Variants in CLCN5 observed in about 807,000 individuals in gnomAD.
CLCN5 encodes H(+)/Cl(-) exchange transporter 5.
A neutral mutation model predicts 54.0 loss-of-function variants in CLCN5; 17 were observed. The ratio of observed to expected loss-of-function variants is 0.31; its 90% CI spans 0.22 to 0.47. The LOEUF (loss-of-function observed/expected upper bound fraction) is 0.47, where lower values mean the gene tolerates loss of function less well. Among genes scored for constraint, CLCN5 ranks in the 20% least tolerant of loss-of-function variants. The pLI, the probability that CLCN5 is intolerant of heterozygous loss-of-function variation, is 1.00. For synonymous variants in CLCN5, 222 were observed against 233.0 expected, an observed-to-expected ratio of 0.95 and a Z score of 0.43; for missense variants, 448 against 646.7, an observed-to-expected ratio of 0.69 and a Z score of 3.33.
intron 3 of CLCN5, among the ~76,000 whole-genome samples, chrX:50,036,313 C>T (rs782296391): frequency 7.1e-5 from 8 of 112,312 alleles, no homozygotes; most frequent in Admixed American, 2.8e-4. Flanking sequence ...GCTTGATTTA[C>T]TTGCTTCTTC....
chrX:49,997,168 A>G (rs950749032), intron 3 of CLCN5, among the ~76,000 whole-genome samples: 1 of 111,967 alleles, frequency 8.9e-6, no homozygotes, highest in Admixed American at 9.5e-5. Flanking sequence ...AGAACTTTTC[A>G]TAGGACTCTT....
At chrX:49,939,877 A>T (rs1487747345) in intron 3 of CLCN5, among the ~76,000 whole-genome samples, 1 of 111,496 alleles carries the variant, frequency 9.0e-6, no homozygotes, top group Non-Finnish European at 1.9e-5. Flanking sequence ...CAAAGTTAGC[A>T]TCTTATATAC....
Position 50,092,802 on chromosome X carries a change from GTTAATT to G in CLCN5, c.*591_*596del, listed in dbSNP as rs1384449189. ...TAGTTTGTTATGTGTGTATGTTTAT[GTTAATT>G]TTAATTTCTGATTATAAGACAATGC... On this transcript the variant is annotated 3_prime_UTR_variant, in exon 15 of 15. Coordinates refer to ENST00000376091, the MANE Select transcript of CLCN5 (RefSeq NM_001127898.4). 3 of 114,212 alleles carry G rather than the reference GTTAATT, an allele frequency of 2.6e-5. No individual in the cohort carries two copies. Among genetic ancestry groups the G allele is most frequent in the Non-Finnish European group, 3.7e-5 (2 of 54,230 alleles). The allele number at this position is 114,212 out of a possible 1,213,427, so 9.4% of individuals were successfully genotyped here.
intron 3 of CLCN5, among the ~76,000 whole-genome samples, chrX:50,037,104 G>T (rs1932033065): frequency 8.9e-6 from 1 of 112,119 alleles, no homozygotes; most frequent in South Asian, 3.7e-4. Context: ...TTGTGTTTAG[G>T]TTAATATTAT....
intron 7 of CLCN5, among the ~76,000 whole-genome samples, chrX:50,079,190 C>G (rs1310338182): frequency 1.8e-5 from 2 of 111,400 alleles, no homozygotes; most frequent in African/African-American, 3.3e-5. Context: ...TCTTCATTTC[C>G]TACCTCTGCA....
At chrX:49,952,797 A>C (rs972834466) in intron 3 of CLCN5, among the ~76,000 whole-genome samples, 4 of 112,313 alleles carry the variant, frequency 3.6e-5, no homozygotes, top group Non-Finnish European at 7.5e-5. Flanking sequence ...AACATAAATA[A>C]GAAACAACAA....
intron 3 of CLCN5, among the ~76,000 whole-genome samples, chrX:49,977,650 A>G (rs1302067683): frequency 8.9e-6 from 1 of 111,829 alleles, no homozygotes; most frequent in Non-Finnish European, 1.9e-5. Context: ...TATGAGGACC[A>G]TAAGGGGACT....
chrX:50,062,831 A>C (rs1247026249), intron 4 of CLCN5, among the ~76,000 whole-genome samples: 2 of 104,334 alleles, frequency 1.9e-5, no homozygotes, highest in Non-Finnish European at 3.8e-5. Flanking sequence ...GTGCAATCAA[A>C]CTAGAACTCA....
Position 50,029,225 on chromosome X carries a change from A to G in CLCN5, c.17-13091A>G, listed in dbSNP as rs192408894. 2.0e-3 allele frequency among the ~76,000 whole-genome samples: 226 copies of G among 111,042 alleles called. 1 individual carries two copies. Among genetic ancestry groups the G allele is most frequent in the Non-Finnish European group, 8.3e-4 (44 of 52,958 alleles). ...GTGCAGGTTTGTTACATATGTATACATGTGTCATGTTGGTGTGCTGCACCC... is the reference window on the plus strand; with the variant it reads ...GTGCAGGTTTGTTACATATGTATACGTGTGTCATGTTGGTGTGCTGCACCC... On this transcript the variant is annotated intron_variant, in intron 3 of 14. Coordinates refer to ENST00000376091, the MANE Select transcript of CLCN5 (RefSeq NM_001127898.4).
At position 50,011,228 on chromosome X, in the gene CLCN5, G is replaced by C. The variant is rs935776083; in HGVS notation, c.17-31088G>C. Among the ~76,000 whole-genome samples, 7 of 111,488 alleles carry C rather than the reference G, an allele frequency of 6.3e-5. No individual in the cohort carries two copies. In the East Asian group the frequency reaches 2.0e-3, roughly 32 times the overall value. Reference sequence around the variant, plus strand: ...CCTTGTCTACACTTAAAAGGACAGAGCTTTTGCACATCAACTCTCCCTCCT... The same window carrying C: ...CCTTGTCTACACTTAAAAGGACAGACCTTTTGCACATCAACTCTCCCTCCT... On this transcript the variant is annotated intron_variant, in intron 3 of 14. Coordinates refer to ENST00000376091, the MANE Select transcript of CLCN5 (RefSeq NM_001127898.4).
intron 3 of CLCN5, among the ~76,000 whole-genome samples, chrX:49,926,519 C>CTGAGTTT (rs1365277518): frequency 1.8e-5 from 2 of 111,823 alleles, no homozygotes; most frequent in Non-Finnish European, 3.8e-5. Context: ...TTGATGAAGT[C>CTGAGTTT]TGAGTTTTGA....
At chrX:49,989,139 C>T (rs1173125660) in intron 3 of CLCN5, among the ~76,000 whole-genome samples, 2 of 107,041 alleles carry the variant, frequency 1.9e-5, no homozygotes, top group African/African-American at 3.4e-5. Flanking sequence ...GTGGCATGAT[C>T]GTGGCTCACT....
At chrX:49,984,571 CTCTCTT>C (rs1557178064) in intron 3 of CLCN5, among the ~76,000 whole-genome samples, 2 of 110,130 alleles carry the variant, frequency 1.8e-5, no homozygotes, top group Non-Finnish European at 3.8e-5. Context: ...CTTTCTTTCT[CTCTCTT>C]TCTCTTTCGT....
intron 4 of CLCN5, among the ~76,000 whole-genome samples, chrX:50,057,473 A>G (rs1233636512): frequency 1.4e-3 from 13 of 9,161 alleles, no homozygotes; most frequent in African/African-American, 4.0e-3. Flanking sequence ...GATACTATCC[A>G]GGACTCTCCT....
intron 3 of CLCN5, among the ~76,000 whole-genome samples, chrX:49,971,615 G>A (rs782025305): frequency 1.8e-5 from 2 of 111,486 alleles, no homozygotes; most frequent in East Asian, 5.6e-4. Flanking sequence ...TGGGATGAGG[G>A]TGATCAGGAC....
At chrX:50,015,169 C>T (rs782423057) in intron 3 of CLCN5, among the ~76,000 whole-genome samples, 16 of 111,191 alleles carry the variant, frequency 1.4e-4, no homozygotes, top group Non-Finnish European at 2.5e-4. Context: ...GAGTCAAAAT[C>T]ACTGGATGTG....
At chrX:50,002,124 T>C (rs782781096) in intron 3 of CLCN5, among the ~76,000 whole-genome samples, 6 of 110,108 alleles carry the variant, frequency 5.4e-5, no homozygotes, top group African/African-American at 1.7e-4. Flanking sequence ...TAACTTCTCA[T>C]TAGTCCTCAG....
At chrX:50,066,933 CAT>C (rs58143394) in intron 4 of CLCN5, among the ~76,000 whole-genome samples, 6,012 of 111,262 alleles carry the variant, frequency 0.054, 405 homozygotes, top group African/African-American at 0.19. Flanking sequence ...AAGCATAAAA[CAT>C]GTGTACAGTT....
chrX:50,008,344 C>A, intron 3 of CLCN5: 1 of 255,676 alleles, frequency 3.9e-6, no homozygotes, highest in Non-Finnish European at 8.6e-6. Flanking sequence ...AAGAACTGTT[C>A]TCTTTACTTC....
Sources: allele counts gnomAD v4.1 joint callset (sites outside exome capture counted in the v4.1 genomes callset), GRCh38; gene constraint gnomAD v4.1.1; transcripts MANE v1.5; gene names NCBI Gene and HGNC (gene_info 2026-07-23, HGNC 2026-07-21).